The following PIP5K1B variants were observed in gnomAD, a reference collection of about 807,000 sequenced individuals.
PIP5K1B encodes phosphatidylinositol-4-phosphate 5-kinase type 1 beta.
In PIP5K1B, 42 loss-of-function variants were observed where a neutral mutation model predicts 67.0. The ratio of observed to expected loss-of-function variants is 0.63; its 90% confidence interval spans 0.49 to 0.81. The LOEUF is 0.81. Ranked by LOEUF, PIP5K1B falls within the 30% of genes least tolerant of loss-of-function variation. The pLI, the probability that PIP5K1B is intolerant of heterozygous loss-of-function variation, is 0.00. For missense variants in PIP5K1B, 459 were observed against 646.3 expected (o/e 0.71, Z 3.14); for synonymous variants, 214 against 231.4 (o/e 0.92, Z 0.68).
intron 4 of PIP5K1B, among the ~76,000 whole-genome samples, chr9:68,841,732 G>GT (rs1395000570): frequency 1.3e-5 from 2 of 152,266 alleles, no homozygotes; most frequent in South Asian, 2.1e-4. Context: ...TATTCTGTGT[G>GT]TTTTTTGCAG....
rs1483718763 is a variant in PIP5K1B, at chr9:68,924,411, A to G, written c.1201+1025A>G. On this transcript the variant is annotated intron_variant, in intron 12 of 15. Transcript: ENST00000265382. ...AGTGACACTGCGCCTCAAAAAAAAAAAAAAAAAAAAAAAATGAAAAAAGAA... is the reference window on the plus strand; with the variant it reads ...AGTGACACTGCGCCTCAAAAAAAAAGAAAAAAAAAAAAAATGAAAAAAGAA... Among the ~76,000 whole-genome samples, 6 of 150,982 alleles carry G rather than the reference A, an allele frequency of 4.0e-5. No individual in the cohort carries two copies. The East Asian group carries it at 1.2e-3, about 29-fold the overall frequency.
At chr9:68,729,597 G>T (rs147322471) in intron 1 of PIP5K1B, among the ~76,000 whole-genome samples, 1 of 152,250 alleles carries the variant, frequency 6.6e-6, no homozygotes, top group African/African-American at 2.4e-5. Context: ...TAAGGTATGT[G>T]TATAATTATA....
chr9:68,880,140 C>T (rs949023017), intron 6 of PIP5K1B, among the ~76,000 whole-genome samples: 2 of 152,102 alleles, frequency 1.3e-5, no homozygotes, highest in Non-Finnish European at 2.9e-5. Context: ...ACAAGATTGG[C>T]CATGAGTTGA....
intron 14 of PIP5K1B, among the ~76,000 whole-genome samples, chr9:68,960,785 T>A (rs1421455849): frequency 6.6e-6 from 1 of 152,206 alleles, no homozygotes; most frequent in Non-Finnish European, 1.5e-5. Context: ...GGTCTAAGGG[T>A]TTTTTGGCAT....
chr9:68,853,535 G>A (rs1822600776), intron 4 of PIP5K1B, among the ~76,000 whole-genome samples: 1 of 152,184 alleles, frequency 6.6e-6, no homozygotes, highest in Admixed American at 6.5e-5. Flanking sequence ...ATAGACTATA[G>A]TATTTTTCTG....
chr9:68,738,715 T>A (rs1828861251), intron 1 of PIP5K1B, among the ~76,000 whole-genome samples: 2 of 152,334 alleles, frequency 1.3e-5, no homozygotes, highest in Non-Finnish European at 1.5e-5. Context: ...CTTCCACATA[T>A]TTCTAGCTTA....
At chr9:68,819,107 C>A (rs1833601616) in intron 3 of PIP5K1B, among the ~76,000 whole-genome samples, 1 of 152,152 alleles carries the variant, frequency 6.6e-6, no homozygotes, top group South Asian at 2.1e-4. Flanking sequence ...CAGTTTAGTA[C>A]ATTTACAATG....
intron 2 of PIP5K1B, among the ~76,000 whole-genome samples, chr9:68,798,763 T>C (rs908785830): frequency 6.6e-6 from 1 of 152,204 alleles, no homozygotes; most frequent in African/African-American, 2.4e-5. Flanking sequence ...TGAACTGATT[T>C]CTTTTTTAAG....
intron 15 of PIP5K1B, among the ~76,000 whole-genome samples, chr9:69,006,079 C>T (rs758679658): frequency 9.2e-5 from 14 of 152,238 alleles, no homozygotes; most frequent in Non-Finnish European, 1.6e-4. Context: ...TTTGTAGAGA[C>T]AGGGTCTCAC....
chr9:68,778,960 A>C (rs1831067880), intron 2 of PIP5K1B, among the ~76,000 whole-genome samples: 1 of 152,174 alleles, frequency 6.6e-6, no homozygotes, highest in African/African-American at 2.4e-5. Flanking sequence ...TCTCAACTCT[A>C]ATTGTCCCCT....
chr9:68,952,922 C>CA (rs960526259), intron 14 of PIP5K1B, among the ~76,000 whole-genome samples: 4 of 151,684 alleles, frequency 2.6e-5, no homozygotes, highest in Non-Finnish European at 5.9e-5. Flanking sequence ...GATTTTCTCT[C>CA]AGAGTCTCAG....
At chr9:68,869,283 A>G (rs1407917848) in intron 5 of PIP5K1B, among the ~76,000 whole-genome samples, 1 of 152,204 alleles carries the variant, frequency 6.6e-6, no homozygotes, top group Non-Finnish European at 1.5e-5. Context: ...AGATTCTCAT[A>G]GGAGCACAAA....
intron 15 of PIP5K1B, 91 bp from the exon 16 acceptor site, chr9:69,008,356 A>G: frequency 1.8e-6 from 2 of 1,123,272 alleles, no homozygotes; most frequent in East Asian, 2.3e-5. Flanking sequence ...AGTGATTGGG[A>G]GAAATAACGA....
chr9:69,000,043 A>G (rs1483877654), intron 15 of PIP5K1B, among the ~76,000 whole-genome samples: 1 of 152,180 alleles, frequency 6.6e-6, no homozygotes. Context: ...ACTGGAGGCT[A>G]CAATTACAAT....
intron 15 of PIP5K1B, among the ~76,000 whole-genome samples, chr9:68,991,875 A>G (rs1202645911): frequency 2.0e-5 from 3 of 152,208 alleles, no homozygotes; most frequent in Non-Finnish European, 1.5e-5. Flanking sequence ...ATGCCTAGAA[A>G]GATACCCTGA....
At chr9:68,893,610 G>A (rs913068555) in intron 7 of PIP5K1B, among the ~76,000 whole-genome samples, 7 of 152,072 alleles carry the variant, frequency 4.6e-5, no homozygotes, top group African/African-American at 1.4e-4. Context: ...GGGATTACAG[G>A]CGTGAGCCAC....
At chr9:68,887,884 G>A (rs1824559888) in intron 6 of PIP5K1B, among the ~76,000 whole-genome samples, 1 of 151,920 alleles carries the variant, frequency 6.6e-6, no homozygotes, top group Admixed American at 6.5e-5. Flanking sequence ...ACAGGGGGCA[G>A]ATGATCTAGG....
chr9:68,895,478 G>C (rs1416904938), intron 8 of PIP5K1B, among the ~76,000 whole-genome samples: 1 of 152,060 alleles, frequency 6.6e-6, no homozygotes, highest in Admixed American at 6.6e-5. Context: ...CTTTCCATGG[G>C]CCTGGACGGA....
intron 14 of PIP5K1B, chr9:68,964,064 G>T (rs959834489): frequency 6.6e-6 from 1 of 152,184 alleles, no homozygotes; most frequent in African/African-American, 2.4e-5. Flanking sequence ...CATATCAGAA[G>T]GAAATGAAAT....
Sources: allele counts gnomAD v4.1 joint callset (sites outside exome capture counted in the v4.1 genomes callset), GRCh38; gene constraint gnomAD v4.1.1; transcripts MANE v1.5; gene names NCBI Gene and HGNC (gene_info 2026-07-23, HGNC 2026-07-21).